Variants in TMEM272 observed in about 807,000 individuals in gnomAD.
TMEM272 encodes the protein transmembrane protein 272, also known as long intergenic non-protein coding RNA 282.
Under a neutral mutation model 3.7 loss-of-function variants are expected in TMEM272, and 8 were observed. The ratio of observed to expected loss-of-function variants is 2.17; its 90% CI spans 1.27 to 3.91. The LOEUF (loss-of-function observed/expected upper bound fraction) is 3.91, where lower values mean the gene tolerates loss of function less well. Ranked by LOEUF, TMEM272 falls within the 30% of genes most tolerant of loss-of-function variation. TMEM272 has a pLI of 0.00. For missense variants in TMEM272, 166 were observed against 91.5 expected, an observed-to-expected ratio of 1.81 and a Z score of -3.32; for synonymous variants, 63 against 39.8, an observed-to-expected ratio of 1.58 and a Z score of -2.20.
At chr13:51,920,500 C>A in the TMEM272 span, among the ~76,000 whole-genome samples, 1 of 152,174 alleles carries the variant, frequency 6.6e-6, no homozygotes, top group Non-Finnish European at 1.5e-5. Context: ...AGCAGCTTTG[C>A]AATAAAGTGT....
At chr13:51,843,626 T>G (rs564873298) in intron 1 of TMEM272, among the ~76,000 whole-genome samples, 1 of 152,314 alleles carries the variant, frequency 6.6e-6, no homozygotes, top group East Asian at 1.9e-4. Context: ...AGTTTTCTTA[T>G]TTGTTAGAAA....
intron 2 of TMEM272, among the ~76,000 whole-genome samples, chr13:51,833,277 C>T (rs1956187989): frequency 6.6e-6 from 1 of 152,072 alleles, no homozygotes; most frequent in Admixed American, 6.6e-5. Flanking sequence ...GAAGAGAGGG[C>T]ATTTCTGTTT....
the TMEM272 span, chr13:51,909,632 T>C: frequency 3.4e-4 from 499 of 1,454,040 alleles, no homozygotes; most frequent in Non-Finnish European, 4.5e-4. Context: ...TTCTTTCTCC[T>C]TCTAAGGTTG....
the TMEM272 span, among the ~76,000 whole-genome samples, chr13:51,891,838 T>C: frequency 6.0e-3 from 909 of 152,108 alleles, 11 homozygotes; most frequent in African/African-American, 0.021. Context: ...TTGATCAGGA[T>C]TGTTTGCCCA....
chr13:51,910,673 C>A, the TMEM272 span: 1 of 450,978 alleles, frequency 2.2e-6, no homozygotes. Context: ...CTGTCGAGGC[C>A]ACAATAAGCG....
chr13:51,878,241 T>G, the TMEM272 span, among the ~76,000 whole-genome samples: 1 of 152,034 alleles, frequency 6.6e-6, no homozygotes, highest in African/African-American at 2.4e-5. Flanking sequence ...CCACCCTGGC[T>G]AACATGGTGA....
chr13:51,926,079 A>G, the TMEM272 span, among the ~76,000 whole-genome samples: 2 of 151,208 alleles, frequency 1.3e-5, no homozygotes, highest in Non-Finnish European at 3.0e-5. Context: ...GTGTGTGTCT[A>G]TGAGTGTGTG....
chr13:51,885,078 A>G, the TMEM272 span, among the ~76,000 whole-genome samples: 1 of 152,164 alleles, frequency 6.6e-6, no homozygotes, highest in Non-Finnish European at 1.5e-5. Context: ...CTGGCCACTA[A>G]GCTTAGAAGT....
At chr13:51,918,713 C>T in the TMEM272 span, among the ~76,000 whole-genome samples, 1 of 152,076 alleles carries the variant, frequency 6.6e-6, no homozygotes, top group Admixed American at 6.5e-5. Flanking sequence ...GAAGCCTGAA[C>T]CTCCCCAGCT....
chr13:51,865,217 C>A, the TMEM272 span: 1 of 575,540 alleles, frequency 1.7e-6, no homozygotes, highest in Non-Finnish European at 2.9e-6. Flanking sequence ...CTCACAAACA[C>A]CACCATGTGG....
At chr13:51,863,321 G>A in the TMEM272 span, among the ~76,000 whole-genome samples, 1 of 152,196 alleles carries the variant, frequency 6.6e-6, no homozygotes, top group South Asian at 2.1e-4. Flanking sequence ...GGTCTTTGAA[G>A]GTGTGTGAAC....
the TMEM272 span, chr13:51,866,309 A>G: frequency 1.3e-5 from 6 of 474,702 alleles, no homozygotes; most frequent in Non-Finnish European, 2.3e-5. Flanking sequence ...TCTGGGCCAC[A>G]GAGATCGGTC....
upstream of TMEM272, among the ~76,000 whole-genome samples, chr13:51,847,593 T>C (rs944588925): frequency 3.3e-5 from 5 of 152,210 alleles, no homozygotes; most frequent in African/African-American, 7.2e-5. Flanking sequence ...TCTCAGAACA[T>C]ATACCCATGG....
At chr13:51,878,396 C>CT in the TMEM272 span, among the ~76,000 whole-genome samples, 3 of 152,264 alleles carry the variant, frequency 2.0e-5, no homozygotes, top group East Asian at 5.8e-4. Context: ...TGCCACTGTG[C>CT]TCCAGCCTGG....
At chr13:51,910,276 T>C in the TMEM272 span, 30 of 1,426,438 alleles carry the variant, frequency 2.1e-5, no homozygotes, top group Admixed American at 4.9e-4. Flanking sequence ...TTCTCAAAGC[T>C]GGCATCCTCT....
the TMEM272 span, among the ~76,000 whole-genome samples, chr13:51,850,771 T>C: frequency 6.6e-6 from 1 of 152,328 alleles, no homozygotes; most frequent in Non-Finnish European, 1.5e-5. Context: ...ATCCCTTTTC[T>C]TTTATACTGA....
At chr13:51,897,232 T>G in the TMEM272 span, among the ~76,000 whole-genome samples, 21 of 152,172 alleles carry the variant, frequency 1.4e-4, no homozygotes, top group African/African-American at 5.1e-4. Flanking sequence ...CTTTTTTTTA[T>G]TTTTTGGAGA....
the TMEM272 span, chr13:51,910,150 T>C: frequency 9.6e-7 from 1 of 1,041,602 alleles, no homozygotes; most frequent in South Asian, 1.3e-5. Context: ...TCAGAATGTT[T>C]AGATTTCTCT....
chr13:51,868,168 T>C, the TMEM272 span, among the ~76,000 whole-genome samples: 2,721 of 152,362 alleles, frequency 0.018, 83 homozygotes, highest in African/African-American at 0.061. Context: ...TATTTATTCA[T>C]CACCACTGTG....
Sources: gnomAD v4.1 joint callset for allele counts (sites outside exome capture counted in the v4.1 genomes callset) on GRCh38, gnomAD v4.1.1 for gene constraint, MANE v1.5 for transcripts, NCBI Gene and HGNC (gene_info 2026-07-23, HGNC 2026-07-21) for gene names.